The following WWOX variants were observed in gnomAD, a reference collection of about 807,000 sequenced individuals.
WWOX encodes WW domain-containing oxidoreductase.
Under a neutral mutation model 46.2 loss-of-function variants are expected in WWOX, and 69 were observed. The ratio of observed to expected loss-of-function variants is 1.49; its 90% confidence interval spans 1.23 to 1.82. WWOX has a LOEUF of 1.82. WWOX is among the 40% of genes most tolerant of loss of function. WWOX has a pLI of 0.00. For synonymous variants in WWOX, 359 were observed against 202.6 expected (o/e 1.77, Z -6.56); for missense variants, 919 against 542.6 (o/e 1.69, Z -6.89).
At position 78,309,557 on chromosome 16, in the gene WWOX, A is replaced by G. The variant is rs534059033; in HGVS notation, c.517-77303A>G. 4.6e-5 allele frequency among the ~76,000 whole-genome samples: 7 copies of G among 152,248 alleles called. No individual in the cohort carries two copies. In the East Asian group the frequency reaches 1.2e-3, roughly 25 times the overall value. On this transcript the variant is annotated intron_variant, in intron 5 of 8. Coordinates refer to ENST00000566780, the MANE Select transcript of WWOX (RefSeq NM_016373.4). The stretch of plus-strand genomic sequence containing the variant: ...ATATATTGATAGAAGTGTGCCTGTA[A>G]CTTTTTTCCCCTAAAGTGTATAAAA...
At chr16:79,187,185 A>T (rs1267184221) in intron 8 of WWOX, among the ~76,000 whole-genome samples, 1 of 152,214 alleles carries the variant, frequency 6.6e-6, no homozygotes, top group Non-Finnish European at 1.5e-5. Context: ...AAAGTTACTT[A>T]AATGCTGCGT....
intron 4 of WWOX, among the ~76,000 whole-genome samples, chr16:78,163,965 A>G (rs1018158195): frequency 1.3e-5 from 2 of 152,088 alleles, no homozygotes; most frequent in East Asian, 3.9e-4. Context: ...GATGTTTTGT[A>G]ATGCCTGGTG....
chr16:78,644,940 T>G (rs2046805233), intron 8 of WWOX, among the ~76,000 whole-genome samples: 1 of 152,214 alleles, frequency 6.6e-6, no homozygotes, highest in African/African-American at 2.4e-5. Flanking sequence ...TTTGTGGAAT[T>G]CTTTGAACTC....
In WWOX at chr16:78,789,126, C is replaced by T. The variant is rs570134392; in HGVS notation, c.1056+356374C>T. ...CAAATCCAAGGTCATGAACGTTTAC[C>T]TCTGTGGTGTCACCCCTCCTCTCGC... On this transcript the variant is annotated intron_variant, in intron 8 of 8. Transcript: ENST00000566780. Among the ~76,000 whole-genome samples, 6 of 152,140 alleles carry T rather than the reference C, an allele frequency of 3.9e-5. No homozygotes were observed. The East Asian group carries it at 1.2e-3, about 29-fold the overall frequency.
intron 8 of WWOX, among the ~76,000 whole-genome samples, chr16:78,855,798 A>G (rs2052552618): frequency 1.3e-5 from 2 of 151,796 alleles, no homozygotes; most frequent in South Asian, 2.1e-4. Context: ...TAGCCTGTTC[A>G]TTCATCACTT....
chr16:78,891,851 A>G (rs1272652359), intron 8 of WWOX: 2 of 152,186 alleles, frequency 1.3e-5, no homozygotes, highest in East Asian at 3.9e-4. Context: ...TAAACTTTAA[A>G]TAATGACCAG....
At chr16:78,669,358 T>C (rs2047407124) in intron 8 of WWOX, among the ~76,000 whole-genome samples, 1 of 152,236 alleles carries the variant, frequency 6.6e-6, no homozygotes, top group Non-Finnish European at 1.5e-5. Context: ...TAACTCCAAC[T>C]TCTTCAACTA....
At chr16:78,778,247 G>C (rs17709285) in intron 8 of WWOX, among the ~76,000 whole-genome samples, 39,265 of 151,620 alleles carry the variant, frequency 0.26, 5,403 homozygotes, top group South Asian at 0.36. Context: ...CCCATCCCCT[G>C]TGTCTCCTTT....
At position 78,333,043 on chromosome 16, in the gene WWOX, C is replaced by CTTTTTTTTTTTTTTTTTTTTT. The variant is rs11289222; in HGVS notation, c.517-53813_517-53793dup. On this transcript the variant is annotated intron_variant, in intron 5 of 8. Transcript: ENST00000566780. The stretch of plus-strand genomic sequence containing the variant: ...CTGAGTAGCATGGAAGAGCATTATA[C>CTTTTTTTTTTTTTTTTTTTTT]TTTTTTTTTTTTTTTTTTTTTTTTG... 3.5e-3 allele frequency among the ~76,000 whole-genome samples: 200 copies of CTTTTTTTTTTTTTTTTTTTTT among 57,112 alleles called. 53 individuals are homozygous for CTTTTTTTTTTTTTTTTTTTTT. The highest frequency in any genetic ancestry group is 5.4e-3 in the Non-Finnish European group (141 of 26,260). 37.5% of individuals were successfully genotyped at this position (57,112 alleles called of 152,430 possible).
intron 8 of WWOX, among the ~76,000 whole-genome samples, chr16:78,720,606 C>A (rs553754289): frequency 6.6e-6 from 1 of 151,842 alleles, no homozygotes; most frequent in Non-Finnish European, 1.5e-5. Flanking sequence ...CCATATTTGT[C>A]CTAGGAAACC....
intron 5 of WWOX, among the ~76,000 whole-genome samples, chr16:78,170,179 C>T (rs367616874): frequency 5.3e-4 from 81 of 152,286 alleles, no homozygotes; most frequent in African/African-American, 1.8e-3. Context: ...GGGTGCAAAT[C>T]GTCCCCAGTT....
chr16:79,203,613 C>G (rs1813526), intron 8 of WWOX: 16 of 150,874 alleles, frequency 1.1e-4, no homozygotes, highest in East Asian at 5.9e-4. Context: ...GTTTGTGGTT[C>G]GTCCTGAAAT....
At chr16:78,889,770 C>T (rs966414015) in intron 8 of WWOX, among the ~76,000 whole-genome samples, 2 of 152,072 alleles carry the variant, frequency 1.3e-5, no homozygotes, top group African/African-American at 2.4e-5. Flanking sequence ...TGTTTTGTTC[C>T]GCCTCGATCA....
At chr16:79,049,842 A>G (rs892761832) in intron 8 of WWOX, among the ~76,000 whole-genome samples, 21 of 151,880 alleles carry the variant, frequency 1.4e-4, no homozygotes, top group Admixed American at 1.4e-3. Flanking sequence ...CTCAAAAAAA[A>G]AAAAAAAAAA....
intron 5 of WWOX, among the ~76,000 whole-genome samples, chr16:78,345,457 C>A (rs112649966): frequency 4.0e-5 from 1 of 25,016 alleles, no homozygotes; most frequent in Non-Finnish European, 7.8e-5. Context: ...CCCATCGCTA[C>A]CAAAAAAAAA....
intron 7 of WWOX, among the ~76,000 whole-genome samples, chr16:78,428,662 A>G (rs754433685): frequency 6.6e-6 from 1 of 152,200 alleles, no homozygotes; most frequent in Non-Finnish European, 1.5e-5. Context: ...CCTAGTCATG[A>G]CATACTTCTG....
intron 8 of WWOX, among the ~76,000 whole-genome samples, chr16:78,771,773 CAATAAATAAATAAATAAATA>C (rs60862470): frequency 3.2e-3 from 461 of 144,484 alleles, no homozygotes; most frequent in Middle Eastern, 7.2e-3. Context: ...CTCTGTCTCA[CAATAAATAAATAAATAAATA>C]AATAAATAAA....
chr16:78,798,932 T>C (rs2050814148), intron 8 of WWOX, among the ~76,000 whole-genome samples: 1 of 152,210 alleles, frequency 6.6e-6, no homozygotes, highest in African/African-American at 2.4e-5. Flanking sequence ...CCAGTGGTTT[T>C]ATGGCATTTT....
chr16:79,195,018 A>G (rs945336928), intron 8 of WWOX, among the ~76,000 whole-genome samples: 21 of 152,258 alleles, frequency 1.4e-4, no homozygotes, highest in African/African-American at 4.8e-4. Flanking sequence ...TATGGATTAT[A>G]TGCCTGTTCC....
Sources: allele counts gnomAD v4.1 joint callset (sites outside exome capture counted in the v4.1 genomes callset), GRCh38; gene constraint gnomAD v4.1.1; transcripts MANE v1.5; gene names NCBI Gene and HGNC (gene_info 2026-07-23, HGNC 2026-07-21).